CCDC180: variants seen among roughly 807,000 people sequenced by gnomAD.
CCDC180 encodes the protein coiled-coil domain containing 180, also known as coiled-coil domain-containing protein 180.
CCDC180 carries 154 observed loss-of-function variants against 209.2 expected under a neutral mutation model. The ratio of observed to expected loss-of-function variants is 0.74; its 90% CI spans 0.65 to 0.84. The LOEUF is 0.84. CCDC180 is among the 40% of genes least tolerant of loss of function. The probability of loss-of-function intolerance (pLI) is 0.00; values close to 1 mark genes in which losing one functional copy is unlikely to be tolerated. For missense variants in CCDC180, 1,874 were observed against 1,997.3 expected (o/e 0.94, Z 1.18); for synonymous variants, 778 against 749.1 (o/e 1.04, Z -0.63).
chr9:97,338,340 C>T (rs1437484468), intron 18 of CCDC180, among the ~76,000 whole-genome samples: 1 of 152,066 alleles, frequency 6.6e-6, no homozygotes, highest in Non-Finnish European at 1.5e-5. Context: ...TAAATGTGTC[C>T]CAGAGATTCT....
At chr9:97,361,935 C>T (rs1419603129) in intron 27 of CCDC180, 37 bp downstream of exon 27, 3 of 1,601,752 alleles carry the variant, frequency 1.9e-6, no homozygotes, top group Non-Finnish European at 2.6e-6. Flanking sequence ...GCTCTGCCAC[C>T]CCTGCCCCTG....
rs752684891 is a variant in CCDC180 at position 97,308,112 on chromosome 9, C to T, written c.49C>T (p.Gln17Ter). The T allele has an allele frequency of 1.9e-5, 31 of 1,608,302 alleles. No individual in the cohort carries two copies. Among genetic ancestry groups the T allele is most frequent in the Non-Finnish European group, 2.5e-5 (29 of 1,177,390 alleles). The change falls in exon 2 of 37, where the codon CAG becomes TAG. Residue 17 changes from glutamine to a stop codon, truncating the protein, a stop_gained. Coordinates refer to ENST00000529487, the MANE Select transcript of CCDC180 (RefSeq NM_020893.6). LOFTEE classifies it high-confidence loss of function. ...VTQVPNGKAY[Q>*]QIFQAEVQLV... ...CCAGGTTCCGAATGGGAAAGCCTAC[C>T]AGCAGATCTTCCAGGCTGAGGTAGG...
At chr9:97,367,471 T>C (rs1459700156) in intron 31 of CCDC180, among the ~76,000 whole-genome samples, 2 of 151,012 alleles carry the variant, frequency 1.3e-5, no homozygotes, top group Admixed American at 6.6e-5. Context: ...TTTCTATTTT[T>C]TTTTTTTTTT....
At chr9:97,321,563 G>A (rs1833360267) in intron 11 of CCDC180, among the ~76,000 whole-genome samples, 2 of 152,184 alleles carry the variant, frequency 1.3e-5, no homozygotes, top group South Asian at 2.1e-4. Flanking sequence ...GAGTGTTTCT[G>A]TATGAGCCAC....
intron 35 of CCDC180, 99 bp downstream of exon 35, chr9:97,374,747 C>T: frequency 2.2e-6 from 2 of 895,642 alleles, no homozygotes; most frequent in South Asian, 1.5e-5. Flanking sequence ...GTCAGACAGA[C>T]CTGGGAAAGG....
At chr9:97,320,326 A>G (rs10759619) in intron 11 of CCDC180, 121 bp downstream of exon 11, 247,248 of 908,514 alleles carry the variant, frequency 0.27, 35,600 homozygotes, top group African/African-American at 0.43. Context: ...GGGGTGTGGC[A>G]GGAAAAGTGA....
At chr9:97,351,573 T>G (rs929124981) in intron 22 of CCDC180, among the ~76,000 whole-genome samples, 1 of 152,240 alleles carries the variant, frequency 6.6e-6, no homozygotes, top group African/African-American at 2.4e-5. Context: ...ATCACAAATC[T>G]TTTGATCATT....
intron 32 of CCDC180, among the ~76,000 whole-genome samples, 157 bp from the exon 33 acceptor site, chr9:97,370,484 C>G (rs1188102306): frequency 1.3e-5 from 2 of 152,058 alleles, no homozygotes; most frequent in South Asian, 4.1e-4. Context: ...CCATGCCCCC[C>G]TCTTAACCCC....
intron 18 of CCDC180, among the ~76,000 whole-genome samples, chr9:97,340,243 C>T (rs780759810): frequency 3.3e-5 from 5 of 152,208 alleles, no homozygotes; most frequent in South Asian, 2.1e-4. Context: ...AAGGGGCGCT[C>T]GGGTTTTTAG....
chr9:97,335,752 C>T (rs1480847438), intron 18 of CCDC180, among the ~76,000 whole-genome samples: 1 of 152,244 alleles, frequency 6.6e-6, no homozygotes, highest in African/African-American at 2.4e-5. Flanking sequence ...GGAATCGCCA[C>T]ACTGTCTTCC....
chr9:97,362,214 G>A lies in CCDC180; in HGVS notation c.3675G>A (p.Trp1225Ter). Reference sequence around the variant, plus strand: ...GTTTCAGACTTCCCAACACAAAATGGCCAACCCACCATTGTGACAAAGATC... The same window carrying A: ...GTTTCAGACTTCCCAACACAAAATGACCAACCCACCATTGTGACAAAGATC... The part of the protein sequence containing the change: ...RKLLQLPNTK[W>*]PTHHCDKDPS... Residue 1225 changes from tryptophan to a stop codon, truncating the protein, a stop_gained, in exon 28 of 37, where the codon TGG becomes TGA. Transcript: ENST00000529487. LOFTEE classifies it high-confidence loss of function. 6.2e-7 allele frequency: 1 copy of A among 1,612,866 alleles called. No homozygotes were observed. The highest frequency in any genetic ancestry group is 2.2e-5 in the East Asian group (1 of 44,834).
At chr9:97,322,804 C>G in intron 11 of CCDC180, 29 bp from the exon 12 acceptor site, 4 of 1,600,058 alleles carry the variant, frequency 2.5e-6, no homozygotes, top group Non-Finnish European at 3.4e-6. Context: ...TCCTTCTGGA[C>G]TGATTTGCTT....
intron 36 of CCDC180, 29 bp from the exon 37 acceptor site, chr9:97,376,734 G>T: frequency 1.2e-6 from 2 of 1,606,630 alleles, no homozygotes; most frequent in South Asian, 2.2e-5. Flanking sequence ...CTCTCCTCAT[G>T]TGGACCCCTC....
intron 24 of CCDC180, 111 bp downstream of exon 24, chr9:97,355,119 G>A (rs146997877): frequency 9.5e-4 from 658 of 692,356 alleles, no homozygotes; most frequent in Admixed American, 1.5e-3. Flanking sequence ...TGTGGGACTT[G>A]CTCTCCAGCC....
chr9:97,363,098 T>A (rs1826813427), intron 28 of CCDC180, among the ~76,000 whole-genome samples: 1 of 152,168 alleles, frequency 6.6e-6, no homozygotes. Flanking sequence ...AGCATTGCCC[T>A]CCTCTCCAGC....
rs1253051959 is a variant in CCDC180, at chr9:97,307,915, C to T, written c.-81-68C>T. ...GGGGAGTCCTGCCCTGGGGTGCCGC[C>T]TCGAGGCCAGACGTCGTCCCGCCTG... On this transcript the variant is annotated intron_variant, in intron 1 of 36. Transcript: ENST00000529487. The T allele has an allele frequency of 2.5e-6, 4 of 1,583,472 alleles. No individual in the cohort carries two copies. In the African/African-American group the frequency reaches 5.4e-5, roughly 21 times the overall value.
In CCDC180 at chr9:97,362,201, C is replaced by T. The variant is rs148365452; in HGVS notation, c.3662C>T (p.Pro1221Leu). The change falls in exon 28 of 37, where the codon CCC (proline) becomes CTC (leucine). Residue 1221 changes from proline (P) to leucine (L), a missense_variant. By Grantham distance (98) the Pro-to-Leu change is moderately conservative. Transcript: ENST00000529487. ...ACCCTTTCCTTTGGTTTCAGACTTC[C>T]CAACACAAAATGGCCAACCCACCAT... Reference protein sequence around the residue: ...VDVIRKLLQLPNTKWPTHHCD... With the variant: ...VDVIRKLLQLLNTKWPTHHCD... The T allele has an allele frequency of 9.6e-5, 154 of 1,611,974 alleles. No individual in the cohort carries two copies. The highest frequency in any genetic ancestry group is 1.2e-4 in the Non-Finnish European group (145 of 1,178,444).
intron 18 of CCDC180, among the ~76,000 whole-genome samples, chr9:97,339,956 C>T (rs1034698611): frequency 6.6e-6 from 1 of 152,192 alleles, no homozygotes; most frequent in East Asian, 1.9e-4. Context: ...GAATTGGCTA[C>T]TGAAACTTGC....
At chr9:97,352,531 A>T (rs77491520) in intron 22 of CCDC180, among the ~76,000 whole-genome samples, 2,300 of 152,236 alleles carry the variant, frequency 0.015, 92 homozygotes, top group East Asian at 0.14. Context: ...CTTTAGAGAA[A>T]GCTCTTCCCT....
Sources: allele counts gnomAD v4.1 joint callset (sites outside exome capture counted in the v4.1 genomes callset), GRCh38; gene constraint gnomAD v4.1.1; transcripts MANE v1.5; gene names NCBI Gene and HGNC (gene_info 2026-07-23, HGNC 2026-07-21).